Variants in PCDH7 observed in about 807,000 individuals in gnomAD.
The protein encoded by PCDH7 is protocadherin-7.
In PCDH7, 17 loss-of-function variants were observed where a neutral mutation model predicts 58.9. The observed-to-expected ratio is 0.29, with a 90% CI of 0.20 to 0.43. The LOEUF (loss-of-function observed/expected upper bound fraction) is 0.43, where lower values mean the gene tolerates loss of function less well. Ranked by LOEUF, PCDH7 falls within the 20% of genes least tolerant of loss-of-function variation. The pLI is 1.00. For missense variants in PCDH7, 1,274 were observed against 1,441.0 expected (o/e 0.88, Z 1.88); for synonymous variants, 664 against 616.4 (o/e 1.08, Z -1.14).
At position 30,824,159 on chromosome 4, in the gene PCDH7, CTTTT is replaced by C. The variant is rs1185760665; in HGVS notation, c.71-95992_71-95989del. Among the ~76,000 whole-genome samples, 32 of 78,250 alleles carry C rather than the reference CTTTT, an allele frequency of 4.1e-4. No individual in the cohort carries two copies. The East Asian group carries it at 7.1e-3, about 17-fold the overall frequency. 51.3% of individuals were successfully genotyped at this position (78,250 alleles called of 152,430 possible). ...TCTTTCTTTCTTTCTTTCTTTCTTT[CTTTT>C]TGCTTCCCTCATATATGTGATTCTC... is the stretch of plus-strand genomic sequence containing the variant. On this transcript the variant is annotated intron_variant, in intron 1 of 3. Coordinates refer to the PCDH7 transcript ENST00000509759.
intron 3 of PCDH7, among the ~76,000 whole-genome samples, chr4:30,978,153 C>G (rs1241857545): frequency 5.3e-5 from 8 of 152,150 alleles, no homozygotes; most frequent in African/African-American, 1.7e-4. Flanking sequence ...AATCCTGACT[C>G]CCTTATCCTA....
intron 1 of PCDH7, among the ~76,000 whole-genome samples, chr4:30,789,018 C>A (rs943887201): frequency 1.3e-5 from 2 of 152,028 alleles, no homozygotes; most frequent in Non-Finnish European, 2.9e-5. Flanking sequence ...CTTAAATTGA[C>A]CTCAAGCGCA....
Position 30,723,584 on chromosome 4 carries a change from C to A in PCDH7, c.2162C>A (p.Pro721His), listed in dbSNP as rs765885876. 1.9e-6 allele frequency: 3 copies of A among 1,613,956 alleles called. No homozygotes were observed. The East Asian group carries it at 6.7e-5, about 36-fold the overall frequency. The change falls in exon 1 of 2, where the codon CCC becomes CAC. Residue 721 changes from proline (P) to histidine (H), a missense_variant. This residue lies in a region of PCDH7 where 731 missense variants were observed against 881.9 expected (regional missense o/e 0.83). Coordinates refer to ENST00000361762, the Ensembl canonical transcript of PCDH7. This position sits in a 1 kb window ranked among gnomAD's most constrained non-coding sequence, Gnocchi z 4.6. ...AAGGCTGTGGATGGGGGAGATCCTC[C>A]CAGATCTGCCACAGCTACAGTCTCG...
chr4:30,937,298 G>A (rs1047715536), intron 2 of PCDH7, among the ~76,000 whole-genome samples: 1 of 151,926 alleles, frequency 6.6e-6, no homozygotes, highest in Non-Finnish European at 1.5e-5. Context: ...CTGAATATAG[G>A]AAAATATTTC....
At chr4:30,794,063 T>G (rs1020077263) in intron 1 of PCDH7, 4 of 152,138 alleles carry the variant, frequency 2.6e-5, no homozygotes, top group Non-Finnish European at 2.9e-5. Context: ...CCCTCCCCAG[T>G]GAGAACACAT....
intron 1 of PCDH7, among the ~76,000 whole-genome samples, chr4:30,829,821 A>T (rs979887286): frequency 6.6e-6 from 1 of 152,032 alleles, no homozygotes; most frequent in Non-Finnish European, 1.5e-5. Flanking sequence ...TTTGCTCTAA[A>T]ATAGAAGGGG....
chr4:30,722,795 T>C lies in PCDH7; in HGVS notation c.1373T>C (p.Val458Ala). Residue 458 changes from valine to alanine, a missense_variant, in exon 1 of 2, where the codon GTC (valine) becomes GCC (alanine). Val to Ala is a moderately conservative substitution (Grantham distance 64, BLOSUM62 0). This residue lies in a region of PCDH7 where 731 missense variants were observed against 881.9 expected (regional missense o/e 0.83). Coordinates refer to ENST00000361762, the Ensembl canonical transcript of PCDH7. This position sits in a 1 kb window ranked among gnomAD's most constrained non-coding sequence, Gnocchi z 7.6. ...CGAGACCAAGGCGAGAACGGGGTGG[T>C]CACCTGCACCGTGGTGGGCGACGTG... The C allele has an allele frequency of 6.2e-7, 1 of 1,613,408 alleles. No homozygotes were observed. The highest frequency in any genetic ancestry group is 8.5e-7 in the Non-Finnish European group (1 of 1,179,984).
chr4:30,889,137 C>CAAAAAAAAAAA (rs371917620), intron 1 of PCDH7, among the ~76,000 whole-genome samples: 7 of 49,990 alleles, frequency 1.4e-4, no homozygotes, highest in East Asian at 7.1e-4. Context: ...GCAGATATCT[C>CAAAAAAAAAAA]AAAAAAAAAA....
At chr4:30,844,328 T>C (rs1731631044) in intron 1 of PCDH7, among the ~76,000 whole-genome samples, 1 of 152,222 alleles carries the variant, frequency 6.6e-6, no homozygotes, top group African/African-American at 2.4e-5. Context: ...AAATTGTCAC[T>C]GTGGAAATAA....
chr4:31,007,076 G>T (rs1752825040), intron 3 of PCDH7, among the ~76,000 whole-genome samples: 1 of 152,168 alleles, frequency 6.6e-6, no homozygotes, highest in African/African-American at 2.4e-5. Context: ...TTGCTTGGAA[G>T]TGAGGCACTG....
chr4:30,755,197 A>G (rs1719124959), intron 1 of PCDH7, among the ~76,000 whole-genome samples: 1 of 152,212 alleles, frequency 6.6e-6, no homozygotes, highest in Non-Finnish European at 1.5e-5. Context: ...TAATAGGGGC[A>G]TAAAACTTAC....
At chr4:30,724,121 T>C (rs375043247) in exon 1 of PCDH7, 51 of 1,613,810 alleles carry the variant, frequency 3.2e-5, no homozygotes, top group Non-Finnish European at 4.2e-5. Context: ...ATTGTAGTGA[T>C]GGCAAGGTAC....
chr4:31,069,762 A>T (rs980043920), intron 3 of PCDH7, among the ~76,000 whole-genome samples: 1 of 144,180 alleles, frequency 6.9e-6, no homozygotes, highest in Non-Finnish European at 1.5e-5. Context: ...CACTTTTGTC[A>T]TGGTTGTACT....
At chr4:30,918,251 A>T (rs1423737863) in intron 1 of PCDH7, among the ~76,000 whole-genome samples, 2 of 152,008 alleles carry the variant, frequency 1.3e-5, no homozygotes, top group Non-Finnish European at 2.9e-5. Flanking sequence ...GTGTAGAACA[A>T]TGTGGTTTTA....
chr4:30,797,451 G>T (rs1379258636), intron 1 of PCDH7, among the ~76,000 whole-genome samples: 1 of 151,360 alleles, frequency 6.6e-6, no homozygotes, highest in Admixed American at 6.6e-5. Context: ...TTTTTTTGTA[G>T]TTTTAGTAGA....
Position 30,723,311 on chromosome 4 carries a change from C to T in PCDH7, c.1889C>T (p.Ala630Val). 6.2e-7 allele frequency: 1 copy of T among 1,614,182 alleles called. No individual in the cohort carries two copies. The highest frequency in any genetic ancestry group is 8.5e-7 in the Non-Finnish European group (1 of 1,180,042). Residue 630 changes from alanine to valine, a missense_variant, in exon 1 of 2, where the codon GCT becomes GTT. By Grantham distance (64) the Ala-to-Val change is moderately conservative (BLOSUM62 0). Around this residue, in one of 3 missense-constraint regions of PCDH7, gnomAD observed 731 missense variants for 881.9 expected, o/e 0.83. Coordinates refer to ENST00000361762, the Ensembl canonical transcript of PCDH7. This position sits in a 1 kb window ranked among gnomAD's most constrained non-coding sequence, Gnocchi z 4.6. ...AGCACTACGGTGATTGTGCAGGTGG[C>T]TGATAAAAATGACAATGACCCTAAG...
chr4:30,955,116 A>AT (rs974161637), intron 3 of PCDH7, among the ~76,000 whole-genome samples: 4 of 151,650 alleles, frequency 2.6e-5, no homozygotes, highest in Admixed American at 6.6e-5. Flanking sequence ...TTAAATTTCT[A>AT]TTTTTTTTCT....
At chr4:30,732,231 T>A (rs1308127269) in exon 2 of PCDH7, 1 of 152,212 alleles carries the variant, frequency 6.6e-6, no homozygotes, top group East Asian at 1.9e-4. Context: ...ACCTCTCATT[T>A]TGTTTTGAAC....
chr4:30,758,730 C>G (rs141145095), intron 1 of PCDH7, among the ~76,000 whole-genome samples: 1 of 152,106 alleles, frequency 6.6e-6, no homozygotes, highest in South Asian at 2.1e-4. Flanking sequence ...AAGTATTGCA[C>G]TAAATTAACT....
Sources: allele counts gnomAD v4.1 joint callset (sites outside exome capture counted in the v4.1 genomes callset), GRCh38; gene constraint gnomAD v4.1.1; regional missense constraint gnomAD v4.1.1; non-coding constraint Gnocchi (gnomAD v3.1); transcripts MANE v1.5; gene names NCBI Gene and HGNC (gene_info 2026-07-23, HGNC 2026-07-21).